The following DCAKD variants were observed in gnomAD, a reference collection of about 807,000 sequenced individuals.
DCAKD encodes dephospho-CoA kinase domain containing.
DCAKD carries 15 observed loss-of-function variants against 18.7 expected under a neutral mutation model. The observed-to-expected ratio is 0.80, with a 90% CI of 0.54 to 1.24. The LOEUF is 1.24. Ranked by LOEUF, DCAKD falls within the 50% of genes most tolerant of loss-of-function variation. The pLI is 0.00. For synonymous variants in DCAKD, 130 were observed against 133.0 expected (o/e 0.98, Z 0.16); for missense variants, 301 against 322.0 (o/e 0.93, Z 0.50).
Position 45,034,863 on chromosome 17 carries a change from C to T in DCAKD, c.23G>A (p.Gly8Glu). Residue 8 changes from glycine to glutamate, a missense_variant, in exon 2 of 5, where the codon GGG becomes GAG. Physicochemically the swap from Gly to Glu is moderately conservative, Grantham distance 98. Transcript: ENST00000651974. MFLVGLTGGIASGKSSVI... is the reference protein window; with the variant it reads MFLVGLTEGIASGKSSVI... ...TGAGCTCTTGCCTGAGGCAATGCCC[C>T]CTGTCAGGCCCACCAGAAACATCTT... 1 of 1,614,184 alleles carries T rather than the reference C, an allele frequency of 6.2e-7. No individual in the cohort carries two copies.
intron 1 of DCAKD, among the ~76,000 whole-genome samples, chr17:45,050,491 G>A (rs899734444): frequency 8.5e-5 from 13 of 152,074 alleles, no homozygotes; most frequent in African/African-American, 3.1e-4. Context: ...TTCAGACCTT[G>A]GTGAAGACAG....
At chr17:45,036,834 T>C (rs2053312350) in intron 1 of DCAKD, among the ~76,000 whole-genome samples, 1 of 152,220 alleles carries the variant, frequency 6.6e-6, no homozygotes, top group African/African-American at 2.4e-5. Flanking sequence ...TCTCCCACCC[T>C]TCCTTCAGCC....
chr17:45,047,047 T>C (rs1458413475), intron 1 of DCAKD, among the ~76,000 whole-genome samples: 1 of 151,756 alleles, frequency 6.6e-6, no homozygotes, highest in East Asian at 1.9e-4. Flanking sequence ...CTAAAAGAAC[T>C]GTGGACTGAC....
rs1473222781 is a variant in DCAKD at position 45,037,890 on chromosome 17, C to T, written c.-114-2891G>A. On this transcript the variant is annotated intron_variant, in intron 1 of 4. Transcript: ENST00000651974. Reference sequence around the variant, plus strand: ...CACGCCATTCTCCTGCCTCAAACTCCCGAATAGCTGGGATTACAGGTGCCC... The same window carrying T: ...CACGCCATTCTCCTGCCTCAAACTCTCGAATAGCTGGGATTACAGGTGCCC... 2.4e-4 allele frequency among the ~76,000 whole-genome samples: 36 copies of T among 151,822 alleles called. 2 individuals are homozygous for T. The highest frequency in any genetic ancestry group is 2.6e-4 in the Non-Finnish European group (18 of 67,996).
Position 45,045,109 on chromosome 17 carries a change from T to C in DCAKD, c.-115+6252A>G, listed in dbSNP as rs181450010. Among the ~76,000 whole-genome samples, 14 of 150,264 alleles carry C rather than the reference T, an allele frequency of 9.3e-5. No individual in the cohort carries two copies. In the East Asian group the frequency reaches 1.2e-3, roughly 12 times the overall value. On this transcript the variant is annotated intron_variant, in intron 1 of 4. Transcript: ENST00000651974. ...CTTTATCTAGGTATCTAGATATCTA[T>C]AGGCACCTTTATCTAGGTATCTAGG... is the stretch of plus-strand genomic sequence containing the variant.
chr17:45,050,746 A>G (rs527317711), intron 1 of DCAKD, among the ~76,000 whole-genome samples: 1 of 151,774 alleles, frequency 6.6e-6, no homozygotes, highest in South Asian at 2.1e-4. Context: ...CCTCACCGTT[A>G]GAATTGAGAC....
At position 45,023,974 on chromosome 17, in the gene DCAKD, C is replaced by T. The variant is rs2052994917; in HGVS notation, c.*459G>A. Reference sequence around the variant, plus strand: ...TGTTTGAACATGGAAACCCTTGGTCCAACATGATTTCCCGTGGTCCACTGA... The same window carrying T: ...TGTTTGAACATGGAAACCCTTGGTCTAACATGATTTCCCGTGGTCCACTGA... On this transcript the variant is annotated 3_prime_UTR_variant, in exon 5 of 5. Coordinates refer to ENST00000651974, the MANE Select transcript of DCAKD (RefSeq NM_001288655.2). 6.4e-6 allele frequency: 1 copy of T among 156,564 alleles called. No individual in the cohort carries two copies. Among genetic ancestry groups the T allele is most frequent in the African/African-American group, 2.4e-5 (1 of 41,568 alleles). 9.7% of individuals were successfully genotyped at this position (156,564 alleles called of 1,614,324 possible).
intron 4 of DCAKD, among the ~76,000 whole-genome samples, chr17:45,025,583 C>T (rs2143159347): frequency 6.6e-6 from 1 of 152,214 alleles, no homozygotes; most frequent in Admixed American, 6.5e-5. Context: ...CCTCTAACAC[C>T]CCTCTAGCTC....
chr17:45,033,509 C>G (rs192807832), intron 3 of DCAKD, among the ~76,000 whole-genome samples: 1 of 152,246 alleles, frequency 6.6e-6, no homozygotes, highest in East Asian at 1.9e-4. Flanking sequence ...GTTGCCCAGA[C>G]AGTCTGAGTA....
chr17:45,035,480 TAAAAAAAA>T (rs35837364), intron 1 of DCAKD, among the ~76,000 whole-genome samples: 1 of 86,952 alleles, frequency 1.2e-5, no homozygotes, highest in African/African-American at 4.6e-5. Context: ...AGATTCCTTC[TAAAAAAAA>T]AAAAAAAAAA....
intron 1 of DCAKD, among the ~76,000 whole-genome samples, chr17:45,058,789 G>A (rs931133136): frequency 6.6e-6 from 1 of 151,954 alleles, no homozygotes; most frequent in Non-Finnish European, 1.5e-5. Flanking sequence ...GGGCAATCGC[G>A]TTGAACAGCA....
chr17:45,041,847 G>C (rs1431379144), intron 1 of DCAKD, among the ~76,000 whole-genome samples: 3 of 152,028 alleles, frequency 2.0e-5, no homozygotes, highest in Admixed American at 6.6e-5. Flanking sequence ...GGCCATGCAT[G>C]GTGGCTCACG....
At chr17:45,057,098 TG>T (rs1207146224) in intron 1 of DCAKD, among the ~76,000 whole-genome samples, 1 of 151,700 alleles carries the variant, frequency 6.6e-6, no homozygotes, top group African/African-American at 2.4e-5. Flanking sequence ...GACGGGGCCT[TG>T]CCATGTTGTC....
chr17:45,047,581 C>T (rs1295530322), intron 1 of DCAKD, among the ~76,000 whole-genome samples: 3 of 149,464 alleles, frequency 2.0e-5, no homozygotes, highest in Non-Finnish European at 4.4e-5. Context: ...TCTTGGCTCA[C>T]TGCAACCTCC....
intron 1 of DCAKD, among the ~76,000 whole-genome samples, chr17:45,059,652 T>C (rs1284299896): frequency 6.6e-6 from 1 of 152,182 alleles, no homozygotes; most frequent in Non-Finnish European, 1.5e-5. Flanking sequence ...CTGATTTCCT[T>C]GAGTGAATAG....
rs141495277 is a variant in DCAKD, at chr17:45,034,363, C to A, written c.140G>T (p.Arg47Leu). 1.5e-5 allele frequency: 25 copies of A among 1,613,792 alleles called. No individual in the cohort carries two copies. The highest frequency in any genetic ancestry group is 1.9e-5 in the Non-Finnish European group (22 of 1,180,042). The change falls in exon 3 of 5, where the codon CGG becomes CTG. Residue 47 changes from arginine to leucine, a missense_variant. By Grantham distance (102) the Arg-to-Leu change is moderately radical (BLOSUM62 -2). Transcript: ENST00000651974. ...AGTGCCGAAGACCTCTACGATGCGCCGGTGGGCAGGGTATCCTGGCTGCAC... is the reference window on the plus strand; with the variant it reads ...AGTGCCGAAGACCTCTACGATGCGCAGGTGGGCAGGGTATCCTGGCTGCAC... Reference protein sequence around the residue: ...HVVQPGYPAHRRIVEVFGTEV... With the variant: ...HVVQPGYPAHLRIVEVFGTEV...
exon 1 of DCAKD, chr17:45,061,040 C>A: frequency 8.4e-7 from 1 of 1,189,680 alleles, no homozygotes; most frequent in Non-Finnish European, 1.0e-6. Flanking sequence ...TCATGCCAGG[C>A]GGCCGCCCGG....
chr17:45,026,173 C>T (rs1050597912), intron 4 of DCAKD, among the ~76,000 whole-genome samples: 14 of 151,986 alleles, frequency 9.2e-5, no homozygotes, highest in African/African-American at 3.4e-4. Flanking sequence ...CCCGCCTTGG[C>T]CTCCCAAAGT....
chr17:45,059,676 G>C (rs867999423), intron 1 of DCAKD, among the ~76,000 whole-genome samples: 19 of 152,194 alleles, frequency 1.2e-4, no homozygotes, highest in Non-Finnish European at 2.4e-4. Context: ...ATCAGAAAAT[G>C]GGACTTTTAT....
Sources: gnomAD v4.1 joint callset for allele counts (sites outside exome capture counted in the v4.1 genomes callset) on GRCh38, gnomAD v4.1.1 for gene constraint, MANE v1.5 for transcripts, NCBI Gene and HGNC (gene_info 2026-07-23, HGNC 2026-07-21) for gene names.